The following MAGI1 variants were observed in gnomAD, a reference collection of about 807,000 sequenced individuals.
MAGI1 encodes membrane-associated guanylate kinase, WW and PDZ domain-containing protein 1.
MAGI1 carries 58 observed loss-of-function variants against 139.9 expected under a neutral mutation model. The ratio of observed to expected loss-of-function variants is 0.41; its 90% confidence interval spans 0.34 to 0.52. The LOEUF (loss-of-function observed/expected upper bound fraction) is 0.52. MAGI1 is among the 20% of genes least tolerant of loss of function. The pLI, the probability that MAGI1 is intolerant of heterozygous loss-of-function variation, is 0.12. For missense variants in MAGI1, 1,874 were observed against 1,901.6 expected, an observed-to-expected ratio of 0.99 and a Z score of 0.27; for synonymous variants, 812 against 737.9, an observed-to-expected ratio of 1.10 and a Z score of -1.63.
intron 1 of MAGI1, among the ~76,000 whole-genome samples, chr3:65,948,898 G>A (rs1327368377): frequency 6.6e-6 from 1 of 152,178 alleles, no homozygotes; most frequent in African/African-American, 2.4e-5. Context: ...TCAATTTTAT[G>A]TCCCTAAGCC....
intron 1 of MAGI1, among the ~76,000 whole-genome samples, chr3:65,783,159 TA>T (rs56958950): frequency 1.3e-4 from 19 of 150,322 alleles, no homozygotes; most frequent in South Asian, 4.2e-4. Context: ...CAGAATGTAT[TA>T]AAAAAAAACA....
intron 2 of MAGI1, among the ~76,000 whole-genome samples, chr3:65,593,222 C>T (rs1329617308): frequency 1.3e-5 from 2 of 152,134 alleles, no homozygotes; most frequent in East Asian, 3.9e-4. Flanking sequence ...TTTAAAGCAA[C>T]TCTCTTTGGC....
chr3:65,754,882 G>T (rs7623079), intron 1 of MAGI1, among the ~76,000 whole-genome samples: 1 of 152,122 alleles, frequency 6.6e-6, no homozygotes, highest in East Asian at 1.9e-4. Flanking sequence ...CATACAAAGA[G>T]AGGTGAGGAA....
chr3:65,710,910 C>G (rs183604524), intron 1 of MAGI1, among the ~76,000 whole-genome samples: 50 of 152,258 alleles, frequency 3.3e-4, no homozygotes, highest in African/African-American at 1.2e-3. Context: ...CCAACTGTTC[C>G]TTTTTTCTCT....
intron 1 of MAGI1, among the ~76,000 whole-genome samples, chr3:65,678,130 C>T (rs758412798): frequency 6.6e-6 from 1 of 152,116 alleles, no homozygotes. Flanking sequence ...AATGAGAACA[C>T]ATGGATACAG....
At chr3:65,572,974 T>C (rs1026581785) in intron 2 of MAGI1, among the ~76,000 whole-genome samples, 1 of 152,014 alleles carries the variant, frequency 6.6e-6, no homozygotes, top group Non-Finnish European at 1.5e-5. Context: ...TATTCAAGAA[T>C]TTTAATTTAG....
At chr3:65,715,295 T>G (rs965917449) in intron 1 of MAGI1, among the ~76,000 whole-genome samples, 3 of 152,218 alleles carry the variant, frequency 2.0e-5, no homozygotes, top group Non-Finnish European at 2.9e-5. Context: ...TTTTTGCAGG[T>G]CATAAACATT....
chr3:65,868,042 A>G (rs2059791128), intron 1 of MAGI1, among the ~76,000 whole-genome samples: 1 of 152,110 alleles, frequency 6.6e-6, no homozygotes, highest in Admixed American at 6.5e-5. Context: ...AAAAATCCCC[A>G]TGAATTCTTA....
chr3:65,467,094 C>T (rs921112361), intron 5 of MAGI1, among the ~76,000 whole-genome samples: 1 of 152,190 alleles, frequency 6.6e-6, no homozygotes, highest in African/African-American at 2.4e-5. Flanking sequence ...AAAGGGAACT[C>T]ACCACCTAGT....
chr3:65,774,799 T>C (rs2038236594), intron 1 of MAGI1, among the ~76,000 whole-genome samples: 1 of 152,308 alleles, frequency 6.6e-6, no homozygotes, highest in Non-Finnish European at 1.5e-5. Context: ...CTATGTTCTG[T>C]GCCTAACAAG....
intron 1 of MAGI1, among the ~76,000 whole-genome samples, chr3:65,970,219 T>C (rs923480507): frequency 2.3e-4 from 35 of 152,218 alleles, no homozygotes; most frequent in Non-Finnish European, 4.6e-4. Context: ...GACATTTTGC[T>C]AAGTGAACTA....
intron 1 of MAGI1, among the ~76,000 whole-genome samples, chr3:65,735,928 T>C (rs2034686382): frequency 6.6e-6 from 1 of 152,172 alleles, no homozygotes; most frequent in Non-Finnish European, 1.5e-5. Context: ...CACAGTCAGA[T>C]TTCATAGAGG....
In MAGI1 at chr3:65,356,673, C is replaced by G; in HGVS notation, c.4094G>C (p.Gly1365Ala). Residue 1365 changes from glycine to alanine, a missense_variant, in exon 23 of 23, where the codon GGC becomes GCC. Transcript: ENST00000402939. Reference sequence around the variant, plus strand: ...AGACCGTCTCCGCCGGCTGGGGGAGCCGTCTCTCCTGCGGGTGGGTGACCG... The same window carrying G: ...AGACCGTCTCCGCCGGCTGGGGGAGGCGTCTCTCCTGCGGGTGGGTGACCG... ...RERSPTRRRD[G>A]SPSRRRRSLE... is the part of the protein sequence containing the mutation. 3 of 1,584,028 alleles carry G rather than the reference C, an allele frequency of 1.9e-6. No individual in the cohort carries two copies. Among genetic ancestry groups the G allele is most frequent in the Non-Finnish European group, 2.6e-6 (3 of 1,166,568 alleles).
intron 2 of MAGI1, among the ~76,000 whole-genome samples, chr3:65,579,964 A>T (rs931349851): frequency 6.6e-6 from 1 of 152,178 alleles, no homozygotes; most frequent in Non-Finnish European, 1.5e-5. Context: ...TGATTAAAAA[A>T]TTATAACAAT....
At chr3:65,891,941 T>C (rs1422547513) in intron 1 of MAGI1, among the ~76,000 whole-genome samples, 48 of 103,442 alleles carry the variant, frequency 4.6e-4, no homozygotes, top group Middle Eastern at 0.01. Context: ...TATATATATA[T>C]ACCCGTGTTG....
At chr3:65,997,975 AG>A (rs2066543650) in intron 1 of MAGI1, among the ~76,000 whole-genome samples, 1 of 151,316 alleles carries the variant, frequency 6.6e-6, no homozygotes, top group Non-Finnish European at 1.5e-5. Context: ...CCTGACCAAC[AG>A]GGGGAAACCC....
chr3:65,427,609 C>T (rs77469716), intron 12 of MAGI1, among the ~76,000 whole-genome samples: 8,575 of 152,202 alleles, frequency 0.056, 451 homozygotes, highest in African/African-American at 0.14. Context: ...AGTTTCCAGG[C>T]TGTCAGCCTC....
chr3:65,501,453 C>A (rs1195304116), intron 2 of MAGI1, among the ~76,000 whole-genome samples: 223 of 80,582 alleles, frequency 2.8e-3, no homozygotes, highest in East Asian at 7.0e-3. Flanking sequence ...GACTCTGTCT[C>A]AAAAAAAAAA....
chr3:65,908,298 T>C (rs1467108814), intron 1 of MAGI1, among the ~76,000 whole-genome samples: 1 of 151,736 alleles, frequency 6.6e-6, no homozygotes, highest in East Asian at 1.9e-4. Flanking sequence ...TCCACAATAA[T>C]CCTTAATTTT....
Sources: allele counts gnomAD v4.1 joint callset (sites outside exome capture counted in the v4.1 genomes callset), GRCh38; gene constraint gnomAD v4.1.1; transcripts MANE v1.5; gene names NCBI Gene and HGNC (gene_info 2026-07-23, HGNC 2026-07-21).